Variants in TTLL6 observed in about 807,000 individuals in gnomAD.
TTLL6 encodes tubulin tyrosine ligase like 6.
In TTLL6, 75 loss-of-function variants were observed where a neutral mutation model predicts 96.4. The observed-to-expected ratio is 0.78, with a 90% confidence interval of 0.65 to 0.94. The LOEUF (loss-of-function observed/expected upper bound fraction) is 0.94, where lower values mean the gene tolerates loss of function less well. Among genes scored for constraint, TTLL6 ranks in the 40% least tolerant of loss-of-function variants. TTLL6 has a pLI of 0.00. For synonymous variants in TTLL6, 411 were observed against 419.4 expected, an observed-to-expected ratio of 0.98 and a Z score of 0.24; for missense variants, 1,030 against 1,093.0, an observed-to-expected ratio of 0.94 and a Z score of 0.81.
At chr17:48,763,966 AAAAAG>A (rs763886303) in intron 15 of TTLL6, among the ~76,000 whole-genome samples, 11 of 151,978 alleles carry the variant, frequency 7.2e-5, no homozygotes, top group Admixed American at 3.3e-4. Flanking sequence ...TCCAAAAAGA[AAAAAG>A]AAAAGAAAAG....
chr17:48,764,197 AG>A (rs909922425), intron 15 of TTLL6, among the ~76,000 whole-genome samples: 2 of 152,178 alleles, frequency 1.3e-5, no homozygotes, highest in Non-Finnish European at 2.9e-5. Flanking sequence ...ACTCTTATAC[AG>A]ATCTGCACCA....
At chr17:48,788,709 T>C (rs1395453378) in intron 10 of TTLL6, among the ~76,000 whole-genome samples, 4 of 152,150 alleles carry the variant, frequency 2.6e-5, no homozygotes, top group Non-Finnish European at 4.4e-5. Flanking sequence ...CAGGGTGACC[T>C]TGTAGAAGTC....
chr17:48,764,470 C>T (rs145289955), intron 15 of TTLL6, among the ~76,000 whole-genome samples: 253 of 152,246 alleles, frequency 1.7e-3, no homozygotes, highest in African/African-American at 5.8e-3. Context: ...AAGGTAATAA[C>T]GTCTGCCTTG....
chr17:48,795,554 C>T (rs2039301396), intron 8 of TTLL6, among the ~76,000 whole-genome samples: 1 of 152,114 alleles, frequency 6.6e-6, no homozygotes, highest in Admixed American at 6.6e-5. Flanking sequence ...TGAAGATACT[C>T]TCATGAACTG....
In TTLL6 at chr17:48,789,922, C is replaced by G. The variant is rs371586045; in HGVS notation, c.1400+9G>C. The G allele has an allele frequency of 6.8e-6, 11 of 1,613,044 alleles. No homozygotes were observed. The highest frequency in any genetic ancestry group is 8.5e-6 in the Non-Finnish European group (10 of 1,179,562). Reference sequence around the variant, plus strand: ...GAGAGCCCCGCAAGGCTGGGGAGTGCGAATGTACCTCATCTCCCGAGAACA... The same window carrying G: ...GAGAGCCCCGCAAGGCTGGGGAGTGGGAATGTACCTCATCTCCCGAGAACA... On this transcript the variant is annotated intron_variant, in intron 10 of 15. Transcript: ENST00000393382.
At chr17:48,799,522 C>T in intron 6 of TTLL6, 82 bp downstream of exon 6, 4 of 1,392,990 alleles carry the variant, frequency 2.9e-6, no homozygotes, top group Non-Finnish European at 3.9e-6. Context: ...ACCCTCCATC[C>T]CCTCATTTCA....
intron 13 of TTLL6, among the ~76,000 whole-genome samples, chr17:48,770,510 G>GTTGTTATTATTATTATTATTA (rs1555563118): frequency 7.1e-4 from 105 of 147,860 alleles, no homozygotes; most frequent in South Asian, 4.9e-3. Flanking sequence ...TATTGTTGTT[G>GTTGTTATTATTATTATTATTA]TTATTATTAT....
intron 12 of TTLL6, among the ~76,000 whole-genome samples, chr17:48,785,714 C>T (rs1417949100): frequency 6.6e-6 from 1 of 152,090 alleles, no homozygotes; most frequent in African/African-American, 2.4e-5. Context: ...CAGCCATGAC[C>T]GACATCCCAT....
At chr17:48,800,565 G>A (rs1187812772) in intron 5 of TTLL6, among the ~76,000 whole-genome samples, 1 of 152,150 alleles carries the variant, frequency 6.6e-6, no homozygotes, top group Admixed American at 6.5e-5. Context: ...AGGAAAGTCT[G>A]AGAACCCTGG....
At chr17:48,772,042 T>C (rs1399346362) in intron 13 of TTLL6, among the ~76,000 whole-genome samples, 1 of 151,776 alleles carries the variant, frequency 6.6e-6, no homozygotes, top group African/African-American at 2.4e-5. Flanking sequence ...GCCACTGCAC[T>C]CCAGAAGCCT....
chr17:48,778,280 A>G (rs1186358098), intron 13 of TTLL6, among the ~76,000 whole-genome samples: 1 of 134,806 alleles, frequency 7.4e-6, no homozygotes, highest in East Asian at 2.0e-4. Context: ...CCATCTCAAA[A>G]AAGAAAAAAA....
chr17:48,796,254 G>A, intron 7 of TTLL6, 108 bp from the exon 8 acceptor site: 1 of 809,250 alleles, frequency 1.2e-6, no homozygotes, highest in South Asian at 1.8e-5. Context: ...GGAAAGAAAG[G>A]GAAGTTTTAG....
chr17:48,806,836 G>A (rs2039511983), intron 1 of TTLL6, among the ~76,000 whole-genome samples: 1 of 151,864 alleles, frequency 6.6e-6, no homozygotes, highest in South Asian at 2.1e-4. Context: ...TTCGAGACCA[G>A]CCTGACCAAC....
intron 13 of TTLL6, among the ~76,000 whole-genome samples, chr17:48,776,675 A>G (rs1272442936): frequency 6.6e-6 from 1 of 152,216 alleles, no homozygotes; most frequent in Non-Finnish European, 1.5e-5. Context: ...ATCTAAATAA[A>G]TGGAAAGATA....
intron 3 of TTLL6, among the ~76,000 whole-genome samples, chr17:48,802,875 AAAAT>A (rs745517745): frequency 1.1e-4 from 16 of 151,882 alleles, no homozygotes; most frequent in Non-Finnish European, 2.9e-5. Flanking sequence ...CATCTCAAAA[AAAAT>A]AAATAAATGG....
chr17:48,805,636 T>G (rs971229659), intron 1 of TTLL6, among the ~76,000 whole-genome samples: 1 of 152,088 alleles, frequency 6.6e-6, no homozygotes, highest in African/African-American at 2.4e-5. Context: ...AGTAAAGATC[T>G]CATCCTCCCT....
At chr17:48,766,182 C>T (rs908258296) in intron 15 of TTLL6, among the ~76,000 whole-genome samples, 2 of 152,174 alleles carry the variant, frequency 1.3e-5, no homozygotes, top group Admixed American at 1.3e-4. Flanking sequence ...CCAGTGTACA[C>T]AGGGATGTAC....
chr17:48,790,686 C>A (rs2039201265), intron 9 of TTLL6, among the ~76,000 whole-genome samples: 1 of 152,184 alleles, frequency 6.6e-6, no homozygotes, highest in Admixed American at 6.5e-5. Flanking sequence ...CCCACCACAC[C>A]TACAAGGGCT....
At chr17:48,806,212 G>T (rs1272891001) in intron 1 of TTLL6, 3 of 152,152 alleles carry the variant, frequency 2.0e-5, no homozygotes, top group Admixed American at 6.6e-5. Context: ...GGCAGAGGTT[G>T]CAGTGAGCCG....
Sources: gnomAD v4.1 joint callset for allele counts (sites outside exome capture counted in the v4.1 genomes callset) on GRCh38, gnomAD v4.1.1 for gene constraint, MANE v1.5 for transcripts, NCBI Gene and HGNC (gene_info 2026-07-23, HGNC 2026-07-21) for gene names.